CSMD1: variants seen among roughly 807,000 people sequenced by gnomAD.
CSMD1 encodes the protein CUB and Sushi multiple domains 1.
Under a neutral mutation model 417.5 loss-of-function variants are expected in CSMD1, and 213 were observed. The ratio of observed to expected loss-of-function variants is 0.51; its 90% CI spans 0.46 to 0.57. CSMD1 has a LOEUF of 0.57. Among genes scored for constraint, CSMD1 ranks in the 20% least tolerant of loss-of-function variants. CSMD1 has a pLI of 0.00. For missense variants in CSMD1, 6,923 were observed against 4,529.7 expected, an observed-to-expected ratio of 1.53 and a Z score of -15.17; for synonymous variants, 2,862 against 1,736.8, an observed-to-expected ratio of 1.65 and a Z score of -16.11.
intron 23 of CSMD1, among the ~76,000 whole-genome samples, chr8:3,309,309 A>C (rs1805143082): frequency 6.6e-6 from 1 of 150,628 alleles, no homozygotes; most frequent in East Asian, 2.0e-4. Flanking sequence ...CCAAGATGTC[A>C]ACTTCATGGG....
At chr8:4,842,045 T>C (rs1000533448) in intron 1 of CSMD1, among the ~76,000 whole-genome samples, 1 of 152,120 alleles carries the variant, frequency 6.6e-6, no homozygotes, top group African/African-American at 2.4e-5. Context: ...AGAGAGATGC[T>C]TTTCAATCAA....
chr8:4,226,085 C>CACAT (rs1466816799), intron 3 of CSMD1, among the ~76,000 whole-genome samples: 1 of 149,478 alleles, frequency 6.7e-6, no homozygotes, highest in Non-Finnish European at 1.5e-5. Flanking sequence ...CACACACACA[C>CACAT]ACACACACAC....
intron 1 of CSMD1, among the ~76,000 whole-genome samples, chr8:4,695,629 G>A (rs970637891): frequency 9.2e-5 from 14 of 151,668 alleles, no homozygotes; most frequent in Admixed American, 3.3e-4. Context: ...CTCAACATAC[G>A]CCACCAAAGA....
At chr8:4,089,797 A>G (rs1456175815) in intron 3 of CSMD1, among the ~76,000 whole-genome samples, 3 of 152,072 alleles carry the variant, frequency 2.0e-5, no homozygotes, top group Non-Finnish European at 2.9e-5. Context: ...CACTCAGTCT[A>G]CCGAGTGTGT....
chr8:3,879,159 C>G (rs1806036567), intron 5 of CSMD1, among the ~76,000 whole-genome samples: 1 of 152,062 alleles, frequency 6.6e-6, no homozygotes, highest in Admixed American at 6.6e-5. Flanking sequence ...CTATCAAAGC[C>G]TGGAGCAGGT....
chr8:2,951,255 C>A lies in CSMD1; in HGVS notation c.10060G>T (p.Val3354Phe). The change falls in exon 66 of 70, where the codon GTC (valine) becomes TTC (phenylalanine). Residue 3354 changes from valine (V) to phenylalanine (F), a missense_variant. Val to Phe is a conservative substitution (Grantham distance 50). Transcript: ENST00000635120. ...KTPVPSDVFFVNSLWKGYYEY... is the reference protein window; with the variant it reads ...KTPVPSDVFFFNSLWKGYYEY... ...TAATACCCCTTCCACAGTGAATTGA[C>A]GAAAAAGACATCTGAAGGAACTGTG... is the stretch of plus-strand genomic sequence containing the variant. 1 of 1,603,900 alleles carries A rather than the reference C, an allele frequency of 6.2e-7. No homozygotes were observed. Among genetic ancestry groups the A allele is most frequent in the Non-Finnish European group, 8.5e-7 (1 of 1,174,904 alleles).
At chr8:3,724,032 ACTTTCTATCTGT>A (rs1367717074) in intron 6 of CSMD1, among the ~76,000 whole-genome samples, 11,633 of 76,216 alleles carry the variant, frequency 0.15, 158 homozygotes, top group Non-Finnish European at 0.27. Flanking sequence ...CTCTTTTTCA[ACTTTCTATCTGT>A]GTAAACACAG....
chr8:3,180,358 C>A (rs766019622), intron 37 of CSMD1, among the ~76,000 whole-genome samples: 1 of 152,152 alleles, frequency 6.6e-6, no homozygotes, highest in Non-Finnish European at 1.5e-5. Flanking sequence ...TCCGGAGCAA[C>A]AGCTCTCTAC....
chr8:4,081,067 A>T (rs899518002), intron 3 of CSMD1, among the ~76,000 whole-genome samples: 1 of 152,148 alleles, frequency 6.6e-6, no homozygotes, highest in Non-Finnish European at 1.5e-5. Context: ...TGGGTAATTC[A>T]GTAAGAATGC....
intron 5 of CSMD1, among the ~76,000 whole-genome samples, chr8:3,914,203 A>T (rs1242932040): frequency 6.6e-6 from 1 of 152,114 alleles, no homozygotes; most frequent in Non-Finnish European, 1.5e-5. Flanking sequence ...AAAAAGAGGT[A>T]AGTAACTTGA....
intron 49 of CSMD1, among the ~76,000 whole-genome samples, chr8:3,076,242 G>C (rs1170729451): frequency 6.6e-6 from 1 of 152,162 alleles, no homozygotes; most frequent in African/African-American, 2.4e-5. Context: ...TCTCCTTTGT[G>C]TGTAGACATC....
At chr8:3,295,934 C>T (rs73660636) in intron 25 of CSMD1, among the ~76,000 whole-genome samples, 5,884 of 152,086 alleles carry the variant, frequency 0.039, 381 homozygotes, top group African/African-American at 0.13. Flanking sequence ...AGGAACTTTG[C>T]ATACATCTGC....
chr8:4,178,054 G>T (rs371939520), intron 3 of CSMD1, among the ~76,000 whole-genome samples: 18 of 152,110 alleles, frequency 1.2e-4, no homozygotes, highest in African/African-American at 4.3e-4. Flanking sequence ...AATAGAAAAA[G>T]AGGGCACCCT....
At chr8:3,440,342 C>A (rs1353885009) in intron 12 of CSMD1, among the ~76,000 whole-genome samples, 1 of 152,154 alleles carries the variant, frequency 6.6e-6, no homozygotes, top group African/African-American at 2.4e-5. Flanking sequence ...GTATAGTTTT[C>A]AGTCTATGAG....
chr8:4,193,803 G>A (rs1799177296), intron 3 of CSMD1, among the ~76,000 whole-genome samples: 1 of 152,048 alleles, frequency 6.6e-6, no homozygotes, highest in South Asian at 2.1e-4. Flanking sequence ...AGGATGCTAT[G>A]GCGAGAAGAG....
intron 42 of CSMD1, among the ~76,000 whole-genome samples, chr8:3,112,594 C>T (rs898515): frequency 0.99 from 150,547 of 152,326 alleles, 74,403 homozygotes; most frequent in East Asian, 1. Flanking sequence ...CACTCACTCA[C>T]TCAACAAGTA....
intron 3 of CSMD1, among the ~76,000 whole-genome samples, chr8:4,068,325 C>T (rs1016020351): frequency 6.6e-6 from 1 of 152,066 alleles, no homozygotes; most frequent in African/African-American, 2.4e-5. Context: ...AGCTGTGAGG[C>T]CAGCATGAGA....
chr8:4,896,521 G>A (rs933839864), intron 1 of CSMD1, among the ~76,000 whole-genome samples: 6 of 152,016 alleles, frequency 3.9e-5, no homozygotes, highest in Non-Finnish European at 7.3e-5. Context: ...CACTCTCTCT[G>A]CTCTTTGCTT....
intron 25 of CSMD1, 44 bp downstream of exon 25, chr8:3,307,651 A>ATATC: frequency 6.3e-7 from 1 of 1,586,050 alleles, no homozygotes; most frequent in Non-Finnish European, 8.6e-7. Context: ...AATAGAAGGC[A>ATATC]TATCTCTTTT....
Sources: allele counts gnomAD v4.1 joint callset (sites outside exome capture counted in the v4.1 genomes callset), GRCh38; gene constraint gnomAD v4.1.1; transcripts MANE v1.5; gene names NCBI Gene and HGNC (gene_info 2026-07-23, HGNC 2026-07-21).